Variants in LIMCH1 observed in about 807,000 individuals in gnomAD.
LIMCH1 encodes LIM and calponin homology domains 1, also known as LIM and calponin homology domains-containing protein 1.
LIMCH1 carries 113 observed loss-of-function variants against 176.5 expected under a neutral mutation model. The observed-to-expected ratio is 0.64, with a 90% CI of 0.55 to 0.75. LIMCH1 has a LOEUF of 0.75. LIMCH1 is among the 30% of genes least tolerant of loss of function. LIMCH1 has a pLI of 0.00. For synonymous variants in LIMCH1, 619 were observed against 645.9 expected (o/e 0.96, Z 0.63); for missense variants, 1,674 against 1,814.9 (o/e 0.92, Z 1.41).
chr4:41,682,558 A>G, intron 26 of LIMCH1, 98 bp downstream of exon 26: 2 of 1,204,696 alleles, frequency 1.7e-6, no homozygotes, highest in East Asian at 2.5e-5. Flanking sequence ...AATTACATTC[A>G]GCTTCGAAAT....
At chr4:41,636,789 A>G (rs989488549) in intron 13 of LIMCH1, among the ~76,000 whole-genome samples, 1 of 152,210 alleles carries the variant, frequency 6.6e-6, no homozygotes, top group Non-Finnish European at 1.5e-5. Flanking sequence ...ATGCAACAAC[A>G]TAGTTGAAAC....
chr4:41,676,739 A>G (rs1331030683), intron 23 of LIMCH1, among the ~76,000 whole-genome samples: 1 of 152,188 alleles, frequency 6.6e-6, no homozygotes, highest in Non-Finnish European at 1.5e-5. Context: ...CTACCCATTC[A>G]TCACCTCCTT....
intron 3 of LIMCH1, among the ~76,000 whole-genome samples, chr4:41,528,040 T>C (rs2076865740): frequency 6.6e-6 from 1 of 152,180 alleles, no homozygotes; most frequent in East Asian, 1.9e-4. Context: ...GGATTTCCTG[T>C]ATGCGATAGC....
At chr4:41,624,219 T>C (rs1430525377) in intron 7 of LIMCH1, among the ~76,000 whole-genome samples, 3 of 152,186 alleles carry the variant, frequency 2.0e-5, no homozygotes, top group Non-Finnish European at 2.9e-5. Context: ...TTCATATGTT[T>C]CAGCACTCAG....
chr4:41,494,750 A>C, intron 2 of LIMCH1: 1 of 590,520 alleles, frequency 1.7e-6, no homozygotes, highest in Non-Finnish European at 2.9e-6. Context: ...CTAGACAAGA[A>C]ACACAAGTCG....
intron 1 of LIMCH1, among the ~76,000 whole-genome samples, chr4:41,575,856 G>T (rs370552022): frequency 1.3e-5 from 2 of 152,078 alleles, no homozygotes; most frequent in Admixed American, 6.5e-5. Context: ...TGGGCTTCAG[G>T]TCCATCAGCT....
At chr4:41,480,847 G>C (rs967085989) in intron 1 of LIMCH1, among the ~76,000 whole-genome samples, 1 of 152,100 alleles carries the variant, frequency 6.6e-6, no homozygotes, top group South Asian at 2.1e-4. Context: ...TGCAGCTTCT[G>C]TTCTTCCTTT....
intron 4 of LIMCH1, among the ~76,000 whole-genome samples, chr4:41,609,344 CAG>C (rs369252799): frequency 1.4e-4 from 21 of 151,536 alleles, no homozygotes; most frequent in African/African-American, 4.4e-4. Context: ...CCCATGAAGA[CAG>C]GGTATTTGTT....
chr4:41,631,809 G>A (rs148837094), intron 10 of LIMCH1, among the ~76,000 whole-genome samples: 525 of 152,306 alleles, frequency 3.4e-3, no homozygotes, highest in Middle Eastern at 6.8e-3. Flanking sequence ...AATGATATCA[G>A]TAGGGTTTCC....
Position 41,697,399 on chromosome 4 carries a change from T to A in LIMCH1, c.*214T>A, listed in dbSNP as rs1383641788. On this transcript the variant is annotated 3_prime_UTR_variant, in exon 32 of 32. Transcript: ENST00000503057. Reference sequence around the variant, plus strand: ...TTTTTTTTTTTTTGCATTTGCACAGTATACACAAAAGAATATGGGGTTGTA... The same window carrying A: ...TTTTTTTTTTTTTGCATTTGCACAGAATACACAAAAGAATATGGGGTTGTA... The A allele has an allele frequency of 7.6e-6, 4 of 526,598 alleles. No individual in the cohort carries two copies. The highest frequency in any genetic ancestry group is 1.3e-5 in the Non-Finnish European group (4 of 297,368). 32.6% of individuals were successfully genotyped at this position (526,598 alleles called of 1,614,324 possible). A position where few individuals can be genotyped will look rare whatever the true frequency, so the allele number is the denominator to read the frequency against.
chr4:41,371,413 A>G (rs1450339105), intron 1 of LIMCH1, among the ~76,000 whole-genome samples: 2 of 152,174 alleles, frequency 1.3e-5, no homozygotes, highest in African/African-American at 4.8e-5. Flanking sequence ...AGTGGGTGGA[A>G]CCATTTTTAC....
chr4:41,366,637 G>A (rs1012562016), intron 1 of LIMCH1, among the ~76,000 whole-genome samples: 6 of 151,946 alleles, frequency 3.9e-5, no homozygotes, highest in African/African-American at 1.5e-4. Flanking sequence ...TAAACTAGAG[G>A]GCTAAAGATA....
At chr4:41,425,271 G>A (rs2060970755) in intron 1 of LIMCH1, among the ~76,000 whole-genome samples, 1 of 152,182 alleles carries the variant, frequency 6.6e-6, no homozygotes, top group Admixed American at 6.5e-5. Context: ...CCCATGAACT[G>A]ATCCTGTCTC....
At chr4:41,471,150 C>T (rs2154159413) in intron 1 of LIMCH1, among the ~76,000 whole-genome samples, 1 of 150,546 alleles carries the variant, frequency 6.6e-6, no homozygotes, top group South Asian at 2.1e-4. Flanking sequence ...AGAATAGCAA[C>T]AGTTAGATCT....
intron 1 of LIMCH1, among the ~76,000 whole-genome samples, chr4:41,555,190 G>A (rs1426072039): frequency 6.6e-6 from 1 of 152,182 alleles, no homozygotes; most frequent in African/African-American, 2.4e-5. Flanking sequence ...TTATGAACTT[G>A]ATTGACATCA....
At chr4:41,449,234 G>A (rs773874301) in intron 1 of LIMCH1, among the ~76,000 whole-genome samples, 1 of 151,952 alleles carries the variant, frequency 6.6e-6, no homozygotes, top group Non-Finnish European at 1.5e-5. Flanking sequence ...CCCAGATGCT[G>A]GCTTTTCTCT....
At chr4:41,445,579 G>T (rs2063201426) in intron 1 of LIMCH1, among the ~76,000 whole-genome samples, 1 of 152,212 alleles carries the variant, frequency 6.6e-6, no homozygotes, top group African/African-American at 2.4e-5. Context: ...CAGTAAAATG[G>T]ATTGTTACAA....
chr4:41,635,875 T>G (rs954918073), intron 13 of LIMCH1, among the ~76,000 whole-genome samples: 2 of 152,198 alleles, frequency 1.3e-5, no homozygotes, highest in African/African-American at 4.8e-5. Context: ...GTGCATAGGC[T>G]ATTCCCTTTA....
At position 41,646,249 on chromosome 4, in the gene LIMCH1, A is replaced by T; in HGVS notation, c.2380A>T (p.Ile794Phe). The T allele has an allele frequency of 6.2e-7, 1 of 1,612,620 alleles. No homozygotes were observed. The highest frequency in any genetic ancestry group is 8.5e-7 in the Non-Finnish European group (1 of 1,179,778). ...EDGTSERRKS[I>F]KTYREIVQEK... is the part of the protein sequence containing the mutation. The stretch of plus-strand genomic sequence containing the variant: ...TGGGACAAGTGAACGAAGGAAAAGC[A>T]TCAAAACCTACAGAGAAATTGTTCA... Residue 794 changes from isoleucine to phenylalanine, a missense_variant, in exon 16 of 32, where the codon ATC becomes TTC. Ile to Phe is a conservative substitution (Grantham distance 21, BLOSUM62 0). Coordinates refer to ENST00000503057, the MANE Select transcript of LIMCH1 (RefSeq NM_001330672.2).
Sources: allele counts gnomAD v4.1 joint callset (sites outside exome capture counted in the v4.1 genomes callset), GRCh38; gene constraint gnomAD v4.1.1; transcripts MANE v1.5; gene names NCBI Gene and HGNC (gene_info 2026-07-23, HGNC 2026-07-21).